Variants in TNS3 observed in about 807,000 individuals in gnomAD.
TNS3 encodes the protein tensin-3.
TNS3 carries 45 observed loss-of-function variants against 140.9 expected under a neutral mutation model. The ratio of observed to expected loss-of-function variants is 0.32; its 90% CI spans 0.25 to 0.41. The LOEUF (loss-of-function observed/expected upper bound fraction) is 0.41, where lower values mean the gene tolerates loss of function less well. TNS3 is among the 10% of genes least tolerant of loss of function. The probability of loss-of-function intolerance (pLI) is 1.00; values close to 1 mark genes in which losing one functional copy is unlikely to be tolerated. For synonymous variants in TNS3, 815 were observed against 788.4 expected, an observed-to-expected ratio of 1.03 and a Z score of -0.56; for missense variants, 1,716 against 1,906.7, an observed-to-expected ratio of 0.90 and a Z score of 1.86.
chr7:47,364,750 G>C (rs956692511), intron 17 of TNS3, among the ~76,000 whole-genome samples: 4 of 152,196 alleles, frequency 2.6e-5, no homozygotes, highest in Non-Finnish European at 4.4e-5. Flanking sequence ...GAGCTCCCAG[G>C]AAGGGCATGG....
rs75801075 is a variant in TNS3 at position 47,531,068 on chromosome 7, T to C, written c.-264-1921A>G. 6.6e-3 allele frequency among the ~76,000 whole-genome samples: 1,000 copies of C among 151,584 alleles called. 3 individuals carry two copies. The highest frequency in any genetic ancestry group is 7.9e-3 in the Non-Finnish European group (535 of 67,888). On this transcript the variant is annotated intron_variant, in intron 1 of 30. Transcript: ENST00000311160. ...CAGTATAATAGGAAATACTGAAAGA[T>C]GGACACAAAGAAGGGAACAGACACC...
At chr7:47,512,644 GA>G (rs1562819492) in intron 2 of TNS3, among the ~76,000 whole-genome samples, 2 of 152,120 alleles carry the variant, frequency 1.3e-5, no homozygotes, top group South Asian at 2.1e-4. Context: ...CTATAGGAGA[GA>G]AAATGACACT....
intron 5 of TNS3, among the ~76,000 whole-genome samples, chr7:47,440,264 T>C (rs1795400274): frequency 6.6e-6 from 1 of 151,860 alleles, no homozygotes; most frequent in Non-Finnish European, 1.5e-5. Context: ...GGACCTCACG[T>C]GGAGAGGGGA....
At chr7:47,375,349 T>G (rs1249193789) in intron 16 of TNS3, among the ~76,000 whole-genome samples, 1 of 152,226 alleles carries the variant, frequency 6.6e-6, no homozygotes, top group Non-Finnish European at 1.5e-5. Flanking sequence ...TGGCAACGAT[T>G]TCCTGGTGGC....
At chr7:47,330,895 T>TCCA (rs1435006315) in intron 20 of TNS3, among the ~76,000 whole-genome samples, 2 of 152,086 alleles carry the variant, frequency 1.3e-5, no homozygotes, top group South Asian at 2.1e-4. Context: ...GCACTGCCTG[T>TCCA]CCACCAGCCT....
rs370182422 is a variant in TNS3 at position 47,468,080 on chromosome 7, C to T, written c.-76+13023G>A. 5.1e-4 allele frequency among the ~76,000 whole-genome samples: 77 copies of T among 152,228 alleles called. 1 individual carries two copies. In the East Asian group the frequency reaches 0.014, roughly 29 times the overall value. The stretch of plus-strand genomic sequence containing the variant: ...AAATCAGCACTTTGAGAGCCTGAGG[C>T]AGGCAGATCACTTGAGATCAGGAGT... On this transcript the variant is annotated intron_variant, in intron 4 of 30. Coordinates refer to ENST00000311160, the MANE Select transcript of TNS3 (RefSeq NM_022748.12).
chr7:47,447,507 C>G (rs776533412), intron 4 of TNS3, among the ~76,000 whole-genome samples: 3 of 152,174 alleles, frequency 2.0e-5, no homozygotes, highest in Non-Finnish European at 4.4e-5. Flanking sequence ...AGGTCCTCCA[C>G]TCGCCTAGGC....
intron 24 of TNS3, among the ~76,000 whole-genome samples, chr7:47,294,261 A>G (rs1248249515): frequency 6.6e-6 from 1 of 152,222 alleles, no homozygotes. Context: ...AGCTGGAAGG[A>G]GGTCAGTCTT....
intron 4 of TNS3, among the ~76,000 whole-genome samples, chr7:47,474,843 TCA>T (rs1441941153): frequency 1.1e-5 from 1 of 94,046 alleles, no homozygotes; most frequent in Non-Finnish European, 2.1e-5. Flanking sequence ...CAGACACACC[TCA>T]CACACAAAAC....
intron 1 of TNS3, 51 bp from the exon 2 acceptor site, chr7:47,529,198 C>A (rs1799306520): frequency 4.9e-6 from 5 of 1,011,572 alleles, no homozygotes; most frequent in African/African-American, 1.7e-5. Context: ...TAGTTTGTTT[C>A]TTTTTCCTTT....
At chr7:47,505,717 TTGTGTGTGTG>T (rs58992722) in intron 3 of TNS3, among the ~76,000 whole-genome samples, 151 of 150,128 alleles carry the variant, frequency 1.0e-3, no homozygotes, top group African/African-American at 3.6e-3. Context: ...TCTTCCAACT[TTGTGTGTGTG>T]TGTGTGTGTG....
intron 1 of TNS3, chr7:47,538,975 T>A (rs76470709): frequency 2.2e-6 from 1 of 456,110 alleles, no homozygotes; most frequent in African/African-American, 2.0e-5. Flanking sequence ...ACCAGGTACA[T>A]AGCAGTGCCT....
intron 17 of TNS3, among the ~76,000 whole-genome samples, chr7:47,346,862 A>G (rs566544619): frequency 6.6e-6 from 1 of 152,270 alleles, no homozygotes; most frequent in Non-Finnish European, 1.5e-5. Flanking sequence ...GAAAAAACCT[A>G]TTATTTCAAG....
intron 4 of TNS3, among the ~76,000 whole-genome samples, chr7:47,444,224 C>T (rs1014444642): frequency 5.3e-5 from 8 of 152,194 alleles, no homozygotes; most frequent in African/African-American, 1.7e-4. Context: ...CTGGGTCTTA[C>T]ATGAACCCAC....
At chr7:47,414,166 G>A (rs966999249) in intron 11 of TNS3, among the ~76,000 whole-genome samples, 169 bp from the exon 12 acceptor site, 12 of 152,082 alleles carry the variant, frequency 7.9e-5, no homozygotes, top group African/African-American at 2.2e-4. Flanking sequence ...GGAAAAGGCC[G>A]GACCCGGTCC....
intron 20 of TNS3, among the ~76,000 whole-genome samples, chr7:47,340,079 G>T (rs1391403129): frequency 8.9e-6 from 1 of 112,576 alleles, no homozygotes; most frequent in Non-Finnish European, 1.8e-5. Flanking sequence ...GAATATATGT[G>T]TGTGTGCATA....
chr7:47,329,119 A>G (rs146622537), intron 20 of TNS3, among the ~76,000 whole-genome samples: 105 of 152,300 alleles, frequency 6.9e-4, no homozygotes, highest in African/African-American at 2.3e-3. Flanking sequence ...AAATCTGACT[A>G]TAACCCAGTC....
In TNS3 at chr7:47,411,490, G is replaced by A. The variant is rs111453998; in HGVS notation, c.723+237C>T. 4.3e-3 allele frequency among the ~76,000 whole-genome samples: 657 copies of A among 152,272 alleles called. 6 individuals carry two copies. The highest frequency in any genetic ancestry group is 0.015 in the African/African-American group (633 of 41,528). ...TCATGGCGCCGCTGATCTGACGGGA[G>A]GCTCAGGTGGTCATGCTCGCTCGCT... On this transcript the variant is annotated intron_variant, in intron 13 of 30. Coordinates refer to ENST00000311160, the MANE Select transcript of TNS3 (RefSeq NM_022748.12).
intron 1 of TNS3, among the ~76,000 whole-genome samples, chr7:47,550,387 G>A (rs557727969): frequency 1.1e-4 from 16 of 152,158 alleles, no homozygotes; most frequent in Non-Finnish European, 1.8e-4. Flanking sequence ...AGAACAAATG[G>A]GTGAGCAGCC....
Sources: gnomAD v4.1 joint callset for allele counts (sites outside exome capture counted in the v4.1 genomes callset) on GRCh38, gnomAD v4.1.1 for gene constraint, MANE v1.5 for transcripts, NCBI Gene and HGNC (gene_info 2026-07-23, HGNC 2026-07-21) for gene names.